The following PTPRM variants were observed in gnomAD, a reference collection of about 807,000 sequenced individuals.
PTPRM encodes the protein receptor-type tyrosine-protein phosphatase mu.
A neutral mutation model predicts 186.7 loss-of-function variants in PTPRM; 47 were observed. The observed-to-expected ratio is 0.25, with a 90% CI of 0.20 to 0.32. The LOEUF is 0.32. PTPRM is among the 10% of genes least tolerant of loss of function. The probability of loss-of-function intolerance (pLI) is 1.00; values close to 1 mark genes in which losing one functional copy is unlikely to be tolerated. For missense variants in PTPRM, 1,494 were observed against 1,865.0 expected, an observed-to-expected ratio of 0.80 and a Z score of 3.66; for synonymous variants, 668 against 674.9, an observed-to-expected ratio of 0.99 and a Z score of 0.16.
chr18:7,750,775 T>C (rs954434348), intron 1 of PTPRM, among the ~76,000 whole-genome samples: 1 of 152,150 alleles, frequency 6.6e-6, no homozygotes, highest in Non-Finnish European at 1.5e-5. Flanking sequence ...AATTGCCTCC[T>C]TCACAGCCTC....
At chr18:7,986,429 C>T (rs1232422209) in intron 7 of PTPRM, among the ~76,000 whole-genome samples, 1 of 152,144 alleles carries the variant, frequency 6.6e-6, no homozygotes, top group Non-Finnish European at 1.5e-5. Context: ...CTGTGATTGC[C>T]AGCTGTTGCC....
Position 8,384,655 on chromosome 18 carries a change from G to T in PTPRM, c.4013G>T (p.Ser1338Ile). Residue 1338 changes from serine (S) to isoleucine (I), a missense_variant, in exon 30 of 33, where the codon AGC (serine) becomes ATC (isoleucine). By Grantham distance (142) the Ser-to-Ile change is moderately radical. Transcript: ENST00000580170. ...VSADLEEDII[S>I]RIFRIYNAAR... ...GCTGACCTGGAAGAGGACATCATCA[G>T]CAGGATATTCCGCATTTACAATGCC... 1 of 1,614,182 alleles carries T rather than the reference G, an allele frequency of 6.2e-7. No individual in the cohort carries two copies. Among genetic ancestry groups the T allele is most frequent in the Non-Finnish European group, 8.5e-7 (1 of 1,180,014 alleles).
At chr18:8,309,949 A>C (rs951826367) in intron 20 of PTPRM, among the ~76,000 whole-genome samples, 6 of 152,190 alleles carry the variant, frequency 3.9e-5, no homozygotes, top group Admixed American at 2.6e-4. Context: ...ATTTATACCC[A>C]ACAACCTACT....
chr18:8,125,756 GC>G (rs1342034541), intron 13 of PTPRM, among the ~76,000 whole-genome samples: 1 of 151,678 alleles, frequency 6.6e-6, no homozygotes, highest in African/African-American at 2.4e-5. Flanking sequence ...AATTGGAAAT[GC>G]CCCTAGTCTC....
intron 1 of PTPRM, among the ~76,000 whole-genome samples, chr18:7,608,790 A>T (rs571241161): frequency 5.9e-5 from 9 of 152,342 alleles, no homozygotes; most frequent in Admixed American, 2.6e-4. Context: ...GAATTAGAAT[A>T]GTATTGTCTG....
At chr18:8,144,802 CT>C (rs2092843540) in intron 14 of PTPRM, among the ~76,000 whole-genome samples, 1 of 152,172 alleles carries the variant, frequency 6.6e-6, no homozygotes, top group Non-Finnish European at 1.5e-5. Flanking sequence ...AATATAGATA[CT>C]AAGAATTGAT....
intron 3 of PTPRM, among the ~76,000 whole-genome samples, chr18:7,893,326 C>T (rs145642211): frequency 4.3e-4 from 66 of 152,278 alleles, no homozygotes; most frequent in African/African-American, 1.6e-3. Context: ...CTACAGAAAG[C>T]TCCAAAGCAG....
intron 1 of PTPRM, among the ~76,000 whole-genome samples, chr18:7,604,836 C>T (rs1410987645): frequency 6.6e-6 from 1 of 151,986 alleles, no homozygotes; most frequent in East Asian, 1.9e-4. Flanking sequence ...AGCTGGTGTC[C>T]CTATTTCTTC....
At chr18:8,285,629 G>T (rs1373048830) in intron 19 of PTPRM, among the ~76,000 whole-genome samples, 1 of 152,176 alleles carries the variant, frequency 6.6e-6, no homozygotes, top group Non-Finnish European at 1.5e-5. Flanking sequence ...AGCACTGCCT[G>T]GCTGGATTGG....
intron 14 of PTPRM, among the ~76,000 whole-genome samples, chr18:8,240,894 G>A (rs1386657528): frequency 6.6e-6 from 1 of 151,964 alleles, no homozygotes; most frequent in Non-Finnish European, 1.5e-5. Flanking sequence ...CATGGAGCAG[G>A]TCTGTCAGCA....
At chr18:8,201,083 A>G (rs1335025776) in intron 14 of PTPRM, among the ~76,000 whole-genome samples, 1 of 152,232 alleles carries the variant, frequency 6.6e-6, no homozygotes, top group Non-Finnish European at 1.5e-5. Flanking sequence ...TGGGAAGCTG[A>G]GGCAGACAGA....
chr18:7,594,448 C>G (rs772630914), intron 1 of PTPRM, among the ~76,000 whole-genome samples: 1 of 151,614 alleles, frequency 6.6e-6, no homozygotes, highest in African/African-American at 2.4e-5. Context: ...CCATTGCACT[C>G]TAGCCCAGGC....
chr18:8,229,816 C>T (rs917706153), intron 14 of PTPRM, among the ~76,000 whole-genome samples: 3 of 152,152 alleles, frequency 2.0e-5, no homozygotes, highest in African/African-American at 7.2e-5. Flanking sequence ...ACATGAAGTA[C>T]ACATGGTTAT....
At position 7,926,689 on chromosome 18, in the gene PTPRM, G is replaced by A; in HGVS notation, c.663+6G>A. The stretch of plus-strand genomic sequence containing the variant: ...GAGACAGGCTCTGGTTACAGGTACA[G>A]TAACTCATTTTCATCAGTTGATGAG... On this transcript the variant is annotated splice_donor_region_variant and intron_variant, in intron 5 of 32. Transcript: ENST00000580170. 8 of 1,605,124 alleles carry A rather than the reference G, an allele frequency of 5.0e-6. No individual in the cohort carries two copies. The highest frequency in any genetic ancestry group is 6.8e-6 in the Non-Finnish European group (8 of 1,175,802).
chr18:7,705,317 A>ATCTG (rs1568041033), intron 1 of PTPRM, among the ~76,000 whole-genome samples: 5 of 146,944 alleles, frequency 3.4e-5, no homozygotes, highest in African/African-American at 1.3e-4. Context: ...CTATCTATCT[A>ATCTG]TCTATCTATC....
chr18:8,240,481 A>AG (rs1266332051), intron 14 of PTPRM, among the ~76,000 whole-genome samples: 5 of 21,766 alleles, frequency 2.3e-4, no homozygotes, highest in Admixed American at 1.1e-3. Flanking sequence ...GAGGGAGGGG[A>AG]GGAGAGAGAG....
chr18:8,067,300 G>T (rs1484307179), intron 7 of PTPRM, among the ~76,000 whole-genome samples: 1 of 152,110 alleles, frequency 6.6e-6, no homozygotes, highest in East Asian at 1.9e-4. Context: ...AACTAATGAA[G>T]CATTATATAA....
chr18:8,245,182 C>T lies in PTPRM; in HGVS notation c.2452+973C>T, dbSNP rs144627385. ...GTACTGCAGCTCCCCTCCACTCCTCCTCTTCCAGATCACAGTGTGGTCAAT... is the reference window on the plus strand; with the variant it reads ...GTACTGCAGCTCCCCTCCACTCCTCTTCTTCCAGATCACAGTGTGGTCAAT... On this transcript the variant is annotated intron_variant, in intron 15 of 32. Coordinates refer to ENST00000580170, the MANE Select transcript of PTPRM (RefSeq NM_001105244.2). Among the ~76,000 whole-genome samples, 386 of 152,306 alleles carry T rather than the reference C, an allele frequency of 2.5e-3. 3 individuals are homozygous for T. Among genetic ancestry groups the T allele is most frequent in the African/African-American group, 8.9e-3 (370 of 41,576 alleles).
chr18:7,678,941 G>A (rs777511728), intron 1 of PTPRM, among the ~76,000 whole-genome samples: 7 of 152,258 alleles, frequency 4.6e-5, no homozygotes, highest in East Asian at 1.9e-4. Context: ...GTGAATGTGC[G>A]TTTTTAAACA....
Sources: allele counts gnomAD v4.1 joint callset (sites outside exome capture counted in the v4.1 genomes callset), GRCh38; gene constraint gnomAD v4.1.1; transcripts MANE v1.5; gene names NCBI Gene and HGNC (gene_info 2026-07-23, HGNC 2026-07-21).